Variants in PBX3 observed in about 807,000 individuals in gnomAD.
PBX3 encodes PBX homeobox 3, also known as pre-B-cell leukemia transcription factor 3.
In PBX3, 14 loss-of-function variants were observed where a neutral mutation model predicts 48.5. The ratio of observed to expected loss-of-function variants is 0.29; its 90% CI spans 0.19 to 0.45. The LOEUF (loss-of-function observed/expected upper bound fraction) is 0.45. Among genes scored for constraint, PBX3 ranks in the 20% least tolerant of loss-of-function variants. The pLI, the probability that PBX3 is intolerant of heterozygous loss-of-function variation, is 1.00. For synonymous variants in PBX3, 210 were observed against 200.3 expected (o/e 1.05, Z -0.41); for missense variants, 386 against 546.7 (o/e 0.71, Z 2.93).
At chr9:125,819,485 A>G (rs1226987299) in intron 2 of PBX3, among the ~76,000 whole-genome samples, 2 of 152,038 alleles carry the variant, frequency 1.3e-5, no homozygotes. Context: ...AGATCATGCC[A>G]TTGCACTCCA....
intron 2 of PBX3, among the ~76,000 whole-genome samples, chr9:125,865,039 C>G (rs1381212875): frequency 2.0e-5 from 3 of 152,130 alleles, no homozygotes; most frequent in Non-Finnish European, 4.4e-5. Context: ...ATTTATTGTG[C>G]CTGGCGCTGT....
intron 2 of PBX3, among the ~76,000 whole-genome samples, chr9:125,855,203 GA>G (rs1839689071): frequency 6.6e-6 from 1 of 152,076 alleles, no homozygotes; most frequent in Non-Finnish European, 1.5e-5. Context: ...AAGCAGAATG[GA>G]ATCAACTTCA....
intron 5 of PBX3, among the ~76,000 whole-genome samples, chr9:125,945,616 C>A (rs1588326671): frequency 6.6e-6 from 1 of 152,146 alleles, no homozygotes; most frequent in African/African-American, 2.4e-5. Context: ...TCTTATTCAC[C>A]CTTATATTCT....
At chr9:125,948,297 A>G (rs911563662) in intron 5 of PBX3, among the ~76,000 whole-genome samples, 5 of 152,368 alleles carry the variant, frequency 3.3e-5, no homozygotes, top group South Asian at 2.1e-4. Flanking sequence ...ACACATTCTA[A>G]TTTTAAGCAC....
At chr9:125,931,615 CCTTT>C (rs1841717698) in intron 4 of PBX3, among the ~76,000 whole-genome samples, 1 of 152,126 alleles carries the variant, frequency 6.6e-6, no homozygotes, top group African/African-American at 2.4e-5. Flanking sequence ...ATAATTTCTT[CCTTT>C]CTTCCTTCCT....
chr9:125,772,762 A>G (rs760023007), intron 2 of PBX3, among the ~76,000 whole-genome samples: 4 of 146,412 alleles, frequency 2.7e-5, no homozygotes, highest in Admixed American at 7.7e-5. Flanking sequence ...CTATTCATTT[A>G]TCTCTTCGAG....
At chr9:125,811,636 C>G (rs1056476947) in intron 2 of PBX3, among the ~76,000 whole-genome samples, 6 of 152,142 alleles carry the variant, frequency 3.9e-5, no homozygotes, top group African/African-American at 1.4e-4. Context: ...ATAAATTACC[C>G]AGTCTCGGGT....
intron 5 of PBX3, chr9:125,949,568 A>G: frequency 7.7e-7 from 1 of 1,300,670 alleles, no homozygotes; most frequent in Middle Eastern, 2.3e-4. Flanking sequence ...AAAATGCATG[A>G]GATTCATTTT....
intron 2 of PBX3, among the ~76,000 whole-genome samples, chr9:125,839,629 C>T (rs1229429699): frequency 6.6e-6 from 1 of 152,060 alleles, no homozygotes; most frequent in Non-Finnish European, 1.5e-5. Context: ...AGCCTGGAAA[C>T]GAGAGTCTTT....
chr9:125,876,742 G>A (rs1458666481), intron 2 of PBX3, among the ~76,000 whole-genome samples: 1 of 151,722 alleles, frequency 6.6e-6, no homozygotes. Context: ...TTAAGGGTCA[G>A]CTGTATTTAA....
intron 2 of PBX3, among the ~76,000 whole-genome samples, chr9:125,907,472 T>C (rs759543376): frequency 7.2e-5 from 11 of 152,094 alleles, no homozygotes; most frequent in Non-Finnish European, 1.2e-4. Context: ...AAAAAGACTT[T>C]AATTCATATG....
chr9:125,892,239 T>C (rs1232454167), intron 2 of PBX3, among the ~76,000 whole-genome samples: 1 of 152,162 alleles, frequency 6.6e-6, no homozygotes, highest in Non-Finnish European at 1.5e-5. Flanking sequence ...AGCATTTTAA[T>C]TGGAACTGTA....
intron 8 of PBX3, among the ~76,000 whole-genome samples, chr9:125,964,227 G>C (rs763183101): frequency 6.6e-6 from 1 of 152,132 alleles, no homozygotes; most frequent in Admixed American, 6.6e-5. Flanking sequence ...TGAAAAAAAA[G>C]AATGCTTGCT....
chr9:125,763,697 G>A (rs1292390096), intron 2 of PBX3, among the ~76,000 whole-genome samples: 2 of 152,184 alleles, frequency 1.3e-5, no homozygotes, highest in Non-Finnish European at 2.9e-5. Flanking sequence ...AAATTAATAC[G>A]CACTTGCTTG....
At chr9:125,755,182 A>T (rs1836479061) in intron 2 of PBX3, among the ~76,000 whole-genome samples, 1 of 152,136 alleles carries the variant, frequency 6.6e-6, no homozygotes, top group African/African-American at 2.4e-5. Context: ...TACATTAAAA[A>T]ATTCATAAAT....
At chr9:125,754,081 AT>A (rs1836447996) in intron 2 of PBX3, among the ~76,000 whole-genome samples, 1 of 152,120 alleles carries the variant, frequency 6.6e-6, no homozygotes, top group South Asian at 2.1e-4. Context: ...TGAGGTATCT[AT>A]TTAGAATAAA....
intron 5 of PBX3, among the ~76,000 whole-genome samples, chr9:125,945,735 TA>T (rs1380030175): frequency 2.0e-5 from 3 of 152,194 alleles, no homozygotes; most frequent in African/African-American, 7.2e-5. Flanking sequence ...GAGGGGACAT[TA>T]AAGCTTGGCA....
intron 2 of PBX3, among the ~76,000 whole-genome samples, chr9:125,790,227 A>G (rs1438003434): frequency 6.6e-6 from 1 of 152,122 alleles, no homozygotes; most frequent in Non-Finnish European, 1.5e-5. Flanking sequence ...CCAAAGCATT[A>G]AAATTGCAGA....
At chr9:125,876,419 C>T (rs1346672204) in intron 2 of PBX3, among the ~76,000 whole-genome samples, 1 of 152,132 alleles carries the variant, frequency 6.6e-6, no homozygotes, top group African/African-American at 2.4e-5. Context: ...TTTCCTCTTC[C>T]TCCTCCTCCC....
Sources: allele counts gnomAD v4.1 joint callset (sites outside exome capture counted in the v4.1 genomes callset), GRCh38; gene constraint gnomAD v4.1.1; transcripts MANE v1.5; gene names NCBI Gene and HGNC (gene_info 2026-07-23, HGNC 2026-07-21).